Variants in METAP1 observed in about 807,000 individuals in gnomAD.
METAP1 encodes the protein methionyl aminopeptidase 1, also known as methionine aminopeptidase 1.
A neutral mutation model predicts 53.8 loss-of-function variants in METAP1; 28 were observed. The ratio of observed to expected loss-of-function variants is 0.52; its 90% CI spans 0.39 to 0.71. METAP1 has a LOEUF of 0.71. Ranked by LOEUF, METAP1 falls within the 30% of genes least tolerant of loss-of-function variation. The pLI is 0.00. For missense variants in METAP1, 389 were observed against 479.8 expected (o/e 0.81, Z 1.77); for synonymous variants, 181 against 165.7 (o/e 1.09, Z -0.71).
At chr4:99,058,479 G>C (rs1027333207) in intron 10 of METAP1, among the ~76,000 whole-genome samples, 10 of 152,100 alleles carry the variant, frequency 6.6e-5, no homozygotes, top group Non-Finnish European at 1.3e-4. Flanking sequence ...ATCTCTTCCA[G>C]ACAGGCTTGT....
At chr4:99,004,869 C>T (rs896806521) in intron 1 of METAP1, among the ~76,000 whole-genome samples, 4 of 152,030 alleles carry the variant, frequency 2.6e-5, no homozygotes, top group Admixed American at 6.5e-5. Context: ...TCATTGTTTT[C>T]ACTGCTATGT....
intron 1 of METAP1, chr4:99,025,400 G>T (rs1211593199): frequency 1.0e-6 from 1 of 985,260 alleles, no homozygotes; most frequent in East Asian, 1.1e-4. Context: ...TGAAATGAGA[G>T]CACCTTCTCT....
intron 2 of METAP1, among the ~76,000 whole-genome samples, chr4:99,033,352 G>T (rs1487375857): frequency 6.6e-6 from 1 of 151,944 alleles, no homozygotes; most frequent in African/African-American, 2.4e-5. Context: ...GAGTGCACTG[G>T]GAGATGTTTA....
intron 1 of METAP1, chr4:99,023,838 C>T: frequency 1.1e-6 from 1 of 925,318 alleles, no homozygotes; most frequent in Non-Finnish European, 1.3e-6. Context: ...CTAGACAGAG[C>T]TGATTATCAA....
At chr4:99,041,541 A>G (rs72909002) in intron 6 of METAP1, among the ~76,000 whole-genome samples, 3,434 of 152,202 alleles carry the variant, frequency 0.023, 99 homozygotes, top group African/African-American at 0.071. Context: ...AAATATTTGT[A>G]GTAAGTATAG....
At chr4:99,039,149 T>C in intron 4 of METAP1, 1 of 388,512 alleles carries the variant, frequency 2.6e-6, no homozygotes, top group Non-Finnish European at 4.6e-6. Context: ...CTAATAGGTC[T>C]GAAAATTTAT....
At chr4:99,017,040 A>G (rs983603741) in intron 1 of METAP1, among the ~76,000 whole-genome samples, 2 of 152,238 alleles carry the variant, frequency 1.3e-5, no homozygotes, top group African/African-American at 2.4e-5. Context: ...AGGGAGTTAG[A>G]TGAAATATTT....
intron 5 of METAP1, 80 bp downstream of exon 5, chr4:99,039,545 A>C: frequency 1.2e-6 from 1 of 831,328 alleles, no homozygotes; most frequent in Non-Finnish European, 2.0e-6. Context: ...GCTGATTTAT[A>C]AAGATAGCAA....
chr4:99,003,776 T>C (rs1345219697), intron 1 of METAP1, among the ~76,000 whole-genome samples: 1 of 152,176 alleles, frequency 6.6e-6, no homozygotes, highest in African/African-American at 2.4e-5. Context: ...TAACCAAACC[T>C]ATGGGGGTTT....
intron 1 of METAP1, among the ~76,000 whole-genome samples, chr4:99,027,498 C>T (rs933289220): frequency 4.0e-5 from 6 of 151,460 alleles, no homozygotes; most frequent in East Asian, 1.9e-4. Flanking sequence ...TTTCTTCCTG[C>T]GGTATGAGTT....
chr4:99,043,467 C>T, intron 7 of METAP1, 80 bp downstream of exon 7: 1 of 1,400,004 alleles, frequency 7.1e-7, no homozygotes. Flanking sequence ...CTTGTGTTTT[C>T]TTGACTTGCT....
rs775680707 is a variant in METAP1 at position 99,048,747 on chromosome 4, C to T, written c.802C>T (p.Arg268Trp). The change falls in exon 9 of 11, where the codon CGG (arginine) becomes TGG (tryptophan). Residue 268 changes from arginine (R) to tryptophan (W), a missense_variant. Coordinates refer to ENST00000296411, the MANE Select transcript of METAP1 (RefSeq NM_015143.3). ...TTTCCTTTCAGTGAAGCCTGGTGTTCGGTACAGAGAATTGGGAAACATTAT... is the reference window on the plus strand; with the variant it reads ...TTTCCTTTCAGTGAAGCCTGGTGTTTGGTACAGAGAATTGGGAAACATTAT... ...QAIDAVKPGVRYRELGNIIQK... is the reference protein window; with the variant it reads ...QAIDAVKPGVWYRELGNIIQK... The T allele has an allele frequency of 1.9e-6, 3 of 1,613,646 alleles. No individual in the cohort carries two copies. In the African/African-American group the frequency reaches 4.0e-5, roughly 22 times the overall value.
At position 99,062,241 on chromosome 4, in the gene METAP1, G is replaced by A. The variant is rs1413908652; in HGVS notation, c.*924G>A. Reference sequence around the variant, plus strand: ...TGGAGGATGGGGAAAGAGTTCTAAAGTGTCTCCAGCTGTGAACCCAGGAGG... The same window carrying A: ...TGGAGGATGGGGAAAGAGTTCTAAAATGTCTCCAGCTGTGAACCCAGGAGG... On this transcript the variant is annotated 3_prime_UTR_variant, in exon 11 of 11. Transcript: ENST00000296411. 2 of 152,220 alleles carry A rather than the reference G, an allele frequency of 1.3e-5. No individual in the cohort carries two copies. Among genetic ancestry groups the A allele is most frequent in the African/African-American group, 4.8e-5 (2 of 41,448 alleles). The allele number at this position is 152,220 out of a possible 1,614,324, so 9.4% of individuals were successfully genotyped here.
At chr4:99,009,499 T>A (rs1723366345) in intron 1 of METAP1, among the ~76,000 whole-genome samples, 1 of 152,200 alleles carries the variant, frequency 6.6e-6, no homozygotes, top group East Asian at 1.9e-4. Context: ...ACAAGGGTTC[T>A]GATTTCTCCA....
intron 10 of METAP1, among the ~76,000 whole-genome samples, chr4:99,058,404 T>C (rs972042025): frequency 6.6e-6 from 1 of 152,234 alleles, no homozygotes; most frequent in Non-Finnish European, 1.5e-5. Context: ...ATAGCTATTG[T>C]GGGGAAAGCA....
chr4:99,055,333 G>C (rs1375596282), intron 9 of METAP1, among the ~76,000 whole-genome samples: 1 of 150,282 alleles, frequency 6.7e-6, no homozygotes, highest in African/African-American at 2.5e-5. Context: ...GGAGGTTGCA[G>C]TGAGCCGAGA....
intron 1 of METAP1, among the ~76,000 whole-genome samples, chr4:99,027,783 C>G (rs1254195260): frequency 2.0e-5 from 3 of 152,060 alleles, no homozygotes; most frequent in African/African-American, 7.2e-5. Flanking sequence ...TAGGGATGAC[C>G]TGGATTTTCT....
chr4:99,037,309 A>G (rs2110354421), intron 4 of METAP1, among the ~76,000 whole-genome samples: 1 of 152,128 alleles, frequency 6.6e-6, no homozygotes, highest in East Asian at 1.9e-4. Flanking sequence ...GTATCCTAAC[A>G]TAGTAAAATT....
chr4:99,035,872 GTGATAGTAA>G (rs1327893076), intron 4 of METAP1: 3 of 155,716 alleles, frequency 1.9e-5, no homozygotes, highest in Non-Finnish European at 4.3e-5. Context: ...GGTGGTGATA[GTGATAGTAA>G]TGATGAGAAT....
Sources: gnomAD v4.1 joint callset for allele counts (sites outside exome capture counted in the v4.1 genomes callset) on GRCh38, gnomAD v4.1.1 for gene constraint, MANE v1.5 for transcripts, NCBI Gene and HGNC (gene_info 2026-07-23, HGNC 2026-07-21) for gene names.